MSL2: variants seen among roughly 807,000 people sequenced by gnomAD.
The protein encoded by MSL2 is E3 ubiquitin-protein ligase MSL2.
In MSL2, 2 loss-of-function variants were observed where a neutral mutation model predicts 35.8. The observed-to-expected ratio is 0.06, with a 90% confidence interval of 0.02 to 0.18. MSL2 has a LOEUF of 0.18. Ranked by LOEUF, MSL2 falls within the 10% of genes least tolerant of loss-of-function variation. The pLI is 1.00. For synonymous variants in MSL2, 296 were observed against 255.7 expected, an observed-to-expected ratio of 1.16 and a Z score of -1.50; for missense variants, 523 against 706.7, an observed-to-expected ratio of 0.74 and a Z score of 2.95.
chr3:136,155,826 C>G (rs2108061862), intron 1 of MSL2: 1 of 577,748 alleles, frequency 1.7e-6, no homozygotes, highest in East Asian at 4.5e-5. Flanking sequence ...AAGAACTGTT[C>G]TATGTGTAAA....
chr3:136,166,062 T>TAA (rs34420183), intron 1 of MSL2, among the ~76,000 whole-genome samples: 24 of 80,076 alleles, frequency 3.0e-4, no homozygotes, highest in East Asian at 1.6e-3. Context: ...TACGTACCAG[T>TAA]AAAAAAAAAA....
Position 136,151,530 on chromosome 3 carries a change from T to A in MSL2, c.1351A>T (p.Thr451Ser). The change falls in exon 2 of 2, where the codon ACT becomes TCT. Residue 451 changes from threonine (T) to serine (S), a missense_variant. Around this residue, in one of 5 missense-constraint regions of MSL2, gnomAD observed 361 missense variants for 414.6 expected, o/e 0.87. Transcript: ENST00000309993. The surrounding 1 kb of genome is among the most constrained non-coding windows in gnomAD (Gnocchi z 5.2). ...TTTTCCTGGGGTTTTTTGTACACAG[T>A]CTTGGTAGGACTTCCTGGCATAAAA... ...HHFMPGSPTK[T>S]VYKKPQEKKG... 1 of 1,614,176 alleles carries A rather than the reference T, an allele frequency of 6.2e-7. No homozygotes were observed. The highest frequency in any genetic ancestry group is 8.5e-7 in the Non-Finnish European group (1 of 1,180,034).
chr3:136,186,947 T>C (rs1231192351), intron 1 of MSL2, among the ~76,000 whole-genome samples: 2 of 152,070 alleles, frequency 1.3e-5, no homozygotes, highest in African/African-American at 2.4e-5. Flanking sequence ...ATATAAATAC[T>C]ATGTAAGTAG....
intron 1 of MSL2, among the ~76,000 whole-genome samples, chr3:136,166,287 C>G (rs980123658): frequency 1.3e-5 from 2 of 151,850 alleles, no homozygotes; most frequent in Non-Finnish European, 2.9e-5. Flanking sequence ...ACTCAGGAGG[C>G]TGAGGCAGGA....
rs991825319 is a variant in MSL2 at position 136,195,610 on chromosome 3, C to T, written c.-497G>A. 1 of 980,620 alleles carries T rather than the reference C, an allele frequency of 1.0e-6. No individual in the cohort carries two copies. The highest frequency in any genetic ancestry group is 1.2e-6 in the Non-Finnish European group (1 of 825,282). The allele number at this position is 980,620 out of a possible 1,614,324, so 60.7% of individuals were successfully genotyped here. A position where few individuals can be genotyped will look rare whatever the true frequency, so the allele number is the denominator to read the frequency against. ...ATCCCAGTACAGGGCGCGGAGGCGG[C>T]GGCGACGGCAAGGACGACGGTCGGG... On this transcript the variant is annotated 5_prime_UTR_variant, in exon 1 of 2. Coordinates refer to ENST00000309993, the MANE Select transcript of MSL2 (RefSeq NM_018133.4).
At chr3:136,169,286 T>G (rs1279929624) in intron 1 of MSL2, among the ~76,000 whole-genome samples, 2 of 143,816 alleles carry the variant, frequency 1.4e-5, no homozygotes, top group Non-Finnish European at 3.0e-5. Context: ...GGTACATAAT[T>G]TTTGTGCATA....
intron 1 of MSL2, among the ~76,000 whole-genome samples, chr3:136,172,725 C>T (rs898139907): frequency 1.3e-5 from 2 of 152,074 alleles, no homozygotes; most frequent in Non-Finnish European, 2.9e-5. Context: ...GACACAGACC[C>T]CTTTGAGAAT....
chr3:136,160,409 A>C (rs1939676887), intron 1 of MSL2, among the ~76,000 whole-genome samples: 1 of 145,194 alleles, frequency 6.9e-6, no homozygotes, highest in South Asian at 2.2e-4. Context: ...GAGAGAAAAT[A>C]TTTGCAAATC....
chr3:136,192,369 G>A (rs1324462430), intron 1 of MSL2, among the ~76,000 whole-genome samples: 1 of 152,004 alleles, frequency 6.6e-6, no homozygotes, highest in Admixed American at 6.6e-5. Flanking sequence ...AGTAGAGATG[G>A]GGTTTCACTA....
At chr3:136,172,103 A>AC (rs1940043013) in intron 1 of MSL2, among the ~76,000 whole-genome samples, 1 of 152,134 alleles carries the variant, frequency 6.6e-6, no homozygotes, top group African/African-American at 2.4e-5. Flanking sequence ...GAGCCACCGC[A>AC]CCTGGCCTGT....
rs926024724 is a variant in MSL2 at position 136,149,600 on chromosome 3, A to AG, written c.*1546dup. On this transcript the variant is annotated 3_prime_UTR_variant, in exon 2 of 2. Transcript: ENST00000309993. ...ACCAAAAGAGACCAAAAAAAAAAAA[A>AG]GAAAAAAAAGCCCAACAACAACAAC... 2 of 150,604 alleles carry AG rather than the reference A, an allele frequency of 1.3e-5. No individual in the cohort carries two copies. Among genetic ancestry groups the AG allele is most frequent in the African/African-American group, 4.9e-5 (2 of 40,956 alleles). The allele number at this position is 150,604 out of a possible 1,614,324, so 9.3% of individuals were successfully genotyped here. A position where few individuals can be genotyped will look rare whatever the true frequency, so the allele number is the denominator to read the frequency against.
At chr3:136,168,371 CA>C (rs1240984909) in intron 1 of MSL2, among the ~76,000 whole-genome samples, 1 of 152,026 alleles carries the variant, frequency 6.6e-6, no homozygotes, top group African/African-American at 2.4e-5. Context: ...TTAAAATACT[CA>C]AAAAAATTAC....
rs191899068 is a variant in MSL2, at chr3:136,171,839, T to C, written c.143-19101A>G. 2.0e-5 allele frequency among the ~76,000 whole-genome samples: 3 copies of C among 152,310 alleles called. No individual in the cohort carries two copies. The East Asian group carries it at 5.8e-4, about 29-fold the overall frequency. On this transcript the variant is annotated intron_variant, in intron 1 of 1. Transcript: ENST00000309993. The stretch of plus-strand genomic sequence containing the variant: ...TAATTAATTTTCACTAGGTATCATG[T>C]TGAGGTAACAGGTATGTATGTGAGA...
chr3:136,178,977 TTC>T lies in MSL2; in HGVS notation c.142+15993_142+15994del, dbSNP rs968942510. Among the ~76,000 whole-genome samples the T allele has an allele frequency of 4.9e-5, 7 of 143,028 alleles. 1 individual carries two copies. The South Asian group carries it at 6.4e-4, about 13-fold the overall frequency. The allele number at this position is 143,028 out of a possible 152,430, so 93.8% of individuals were successfully genotyped here. ...CAGGAATGTAGTTATTTTGTTGGTT[TTC>T]TTTTTTTTTTTTTTTTTTTTTTTTA... On this transcript the variant is annotated intron_variant, in intron 1 of 1. Transcript: ENST00000309993.
At chr3:136,182,088 C>A (rs373066260) in intron 1 of MSL2, among the ~76,000 whole-genome samples, 1 of 152,018 alleles carries the variant, frequency 6.6e-6, no homozygotes, top group Admixed American at 6.6e-5. Flanking sequence ...AATCTAAGTT[C>A]TTTAAATGTT....
At position 136,188,186 on chromosome 3, in the gene MSL2, C is replaced by A. The variant is rs149564505; in HGVS notation, c.142+6786G>T. ...GCAGTGGCTCACACCTGTAATCCCA[C>A]CACTTTGGGAGGCCAAGCTGGGGGA... On this transcript the variant is annotated intron_variant, in intron 1 of 1. Transcript: ENST00000309993. 3.7e-3 allele frequency among the ~76,000 whole-genome samples: 566 copies of A among 152,220 alleles called. 9 individuals carry two copies. Among genetic ancestry groups the A allele is most frequent in the Admixed American group, 0.03 (464 of 15,282 alleles).
At chr3:136,158,634 A>G (rs1939603472) in intron 1 of MSL2, among the ~76,000 whole-genome samples, 1 of 149,746 alleles carries the variant, frequency 6.7e-6, no homozygotes, top group Non-Finnish European at 1.5e-5. Flanking sequence ...AAAGGAAAAG[A>G]AAAAAAAAGG....
In MSL2 at chr3:136,195,527, G is replaced by GC. The variant is rs1444995629; in HGVS notation, c.-415dup. 7.9e-6 allele frequency: 8 copies of GC among 1,008,056 alleles called. No homozygotes were observed. The highest frequency in any genetic ancestry group is 9.5e-6 in the Non-Finnish European group (8 of 844,870). The allele number at this position is 1,008,056 out of a possible 1,614,324, so 62.4% of individuals were successfully genotyped here. On this transcript the variant is annotated 5_prime_UTR_variant, in exon 1 of 2. Coordinates refer to ENST00000309993, the MANE Select transcript of MSL2 (RefSeq NM_018133.4). ...GTCGAGCTGGCAGGCGCGGGAGCAG[G>GC]CCCCGGCCCCGTCTGAGGCGCGGCA...
intron 1 of MSL2, among the ~76,000 whole-genome samples, chr3:136,181,280 C>G (rs1940353704): frequency 2.0e-5 from 3 of 151,924 alleles, no homozygotes; most frequent in Admixed American, 6.6e-5. Flanking sequence ...AACCGTTGAT[C>G]TATTGAATGA....
Sources: allele counts gnomAD v4.1 joint callset (sites outside exome capture counted in the v4.1 genomes callset), GRCh38; gene constraint gnomAD v4.1.1; regional missense constraint gnomAD v4.1.1; non-coding constraint Gnocchi (gnomAD v3.1); transcripts MANE v1.5; gene names NCBI Gene and HGNC (gene_info 2026-07-23, HGNC 2026-07-21).